The following SDHAF3 variants were observed in gnomAD, a reference collection of about 807,000 sequenced individuals.
SDHAF3 encodes succinate dehydrogenase assembly factor 3, mitochondrial.
In SDHAF3, 18 loss-of-function variants were observed where a neutral mutation model predicts 11.5. The ratio of observed to expected loss-of-function variants is 1.56; its 90% CI spans 1.08 to 2.32. The LOEUF is 2.32. SDHAF3 is among the 30% of genes most tolerant of loss of function. SDHAF3 has a pLI of 0.00. For missense variants in SDHAF3, 200 were observed against 154.4 expected, an observed-to-expected ratio of 1.30 and a Z score of -1.57; for synonymous variants, 72 against 59.3, an observed-to-expected ratio of 1.21 and a Z score of -0.99.
At chr7:97,134,481 G>A (rs1265429439) in intron 1 of SDHAF3, among the ~76,000 whole-genome samples, 1 of 152,124 alleles carries the variant, frequency 6.6e-6, no homozygotes, top group African/African-American at 2.4e-5. Flanking sequence ...GAGTCTTGCT[G>A]TGTCTCCCAG....
At chr7:97,168,308 A>C (rs80318974) in intron 1 of SDHAF3, among the ~76,000 whole-genome samples, 16,444 of 152,234 alleles carry the variant, frequency 0.11, 897 homozygotes, top group Middle Eastern at 0.16. Context: ...GAGGGTCAGA[A>C]TCTTGTAGCC....
intron 1 of SDHAF3, among the ~76,000 whole-genome samples, chr7:97,173,396 C>T (rs1174483110): frequency 6.6e-6 from 1 of 152,064 alleles, no homozygotes; most frequent in Admixed American, 6.6e-5. Context: ...CAACAGTTGT[C>T]AACTCATGGC....
chr7:97,130,270 T>TAAA (rs11410661), intron 1 of SDHAF3, among the ~76,000 whole-genome samples: 3 of 122,760 alleles, frequency 2.4e-5, no homozygotes, highest in African/African-American at 3.0e-5. Context: ...ATACCCAGTC[T>TAAA]AAAAAAAAAA....
intron 1 of SDHAF3, among the ~76,000 whole-genome samples, chr7:97,170,442 T>C (rs1455975868): frequency 6.6e-6 from 1 of 152,200 alleles, no homozygotes. Context: ...TACAATGCTA[T>C]TATTGTTTCT....
chr7:97,166,284 ATT>A (rs1003547605), intron 1 of SDHAF3, among the ~76,000 whole-genome samples: 1 of 152,158 alleles, frequency 6.6e-6, no homozygotes, highest in Non-Finnish European at 1.5e-5. Context: ...TGCTTTATAC[ATT>A]TTAGGGGACA....
At chr7:97,142,161 C>T (rs1460778613) in intron 1 of SDHAF3, among the ~76,000 whole-genome samples, 2 of 140,338 alleles carry the variant, frequency 1.4e-5, no homozygotes, top group African/African-American at 5.3e-5. Flanking sequence ...TCAAGCAATT[C>T]TCCTGCCTCA....
intron 1 of SDHAF3, among the ~76,000 whole-genome samples, chr7:97,153,750 C>A (rs984624080): frequency 6.6e-6 from 1 of 152,146 alleles, no homozygotes; most frequent in African/African-American, 2.4e-5. Context: ...ATGAGAGTTT[C>A]TGTAGCATAT....
At chr7:97,137,891 T>TA (rs1297287234) in intron 1 of SDHAF3, among the ~76,000 whole-genome samples, 1 of 147,544 alleles carries the variant, frequency 6.8e-6, no homozygotes, top group African/African-American at 2.5e-5. Context: ...TTTTTTTTTT[T>TA]AGATGGAGTT....
chr7:97,121,259 G>T (rs1791491608), intron 1 of SDHAF3, among the ~76,000 whole-genome samples: 1 of 152,182 alleles, frequency 6.6e-6, no homozygotes, highest in African/African-American at 2.4e-5. Context: ...TTTTCTCTCT[G>T]TGCCTACCAC....
chr7:97,157,819 A>G (rs1370192071), intron 1 of SDHAF3, among the ~76,000 whole-genome samples: 1 of 151,970 alleles, frequency 6.6e-6, no homozygotes, highest in African/African-American at 2.4e-5. Flanking sequence ...TTGTAGGGAC[A>G]TGGATGAAGC....
chr7:97,160,461 AGGG>A (rs1488233224), intron 1 of SDHAF3, among the ~76,000 whole-genome samples: 3 of 151,990 alleles, frequency 2.0e-5, no homozygotes, highest in East Asian at 3.9e-4. Flanking sequence ...CAAAAAGAAA[AGGG>A]GGAAATGTGG....
intron 1 of SDHAF3, among the ~76,000 whole-genome samples, chr7:97,165,137 A>C (rs974866767): frequency 6.6e-6 from 1 of 152,068 alleles, no homozygotes; most frequent in Non-Finnish European, 1.5e-5. Context: ...ATACAAAAAA[A>C]TTAGCCAGGT....
intron 1 of SDHAF3, among the ~76,000 whole-genome samples, chr7:97,134,758 CTT>C (rs997581649): frequency 2.0e-5 from 3 of 152,162 alleles, no homozygotes; most frequent in Non-Finnish European, 4.4e-5. Context: ...AGAAGATGTT[CTT>C]ACTTTAAAAT....
intron 1 of SDHAF3, among the ~76,000 whole-genome samples, chr7:97,176,007 A>G (rs758621933): frequency 2.6e-5 from 4 of 151,950 alleles, no homozygotes; most frequent in Non-Finnish European, 5.9e-5. Context: ...CTCCAAACTT[A>G]TTTTTTCTTC....
Position 97,181,329 on chromosome 7 carries a change from C to G in SDHAF3, c.*114C>G, listed in dbSNP as rs1368104202. ...AAACACCTGTTATTAATGAAATACT[C>G]TTTTATTTTGGATATTATGATTGCA... On this transcript the variant is annotated 3_prime_UTR_variant, in exon 2 of 2. Coordinates refer to ENST00000432641, the MANE Select transcript of SDHAF3 (RefSeq NM_020186.3). 4 of 752,466 alleles carry G rather than the reference C, an allele frequency of 5.3e-6. No individual in the cohort carries two copies. Among genetic ancestry groups the G allele is most frequent in the Non-Finnish European group, 8.4e-6 (4 of 474,412 alleles). The allele number at this position is 752,466 out of a possible 1,614,324, so 46.6% of individuals were successfully genotyped here. A position where few individuals can be genotyped will look rare whatever the true frequency, so the allele number is the denominator to read the frequency against.
chr7:97,174,263 A>C (rs1789647976), intron 1 of SDHAF3, among the ~76,000 whole-genome samples: 2 of 152,188 alleles, frequency 1.3e-5, no homozygotes, highest in African/African-American at 4.8e-5. Context: ...ACACCTGTTA[A>C]ATCTAAAATT....
At chr7:97,169,585 A>C (rs2115736062) in intron 1 of SDHAF3, among the ~76,000 whole-genome samples, 1 of 152,250 alleles carries the variant, frequency 6.6e-6, no homozygotes, top group East Asian at 1.9e-4. Context: ...TAAACAGATT[A>C]CATCAAAATA....
rs371934035 is a variant in SDHAF3 at position 97,180,073 on chromosome 7, G to A, written c.175-939G>A. ...AGTCTGTTTCAAAACAGTGGCACTT[G>A]TGCAGATGGGGATAGTTGGAATATT... On this transcript the variant is annotated intron_variant, in intron 1 of 1. Transcript: ENST00000432641. 2.0e-4 allele frequency among the ~76,000 whole-genome samples: 30 copies of A among 152,340 alleles called. No homozygotes were observed. The South Asian group carries it at 5.8e-3, about 29-fold the overall frequency.
chr7:97,123,925 A>G lies in SDHAF3; in HGVS notation c.174+6028A>G, dbSNP rs567369159. The stretch of plus-strand genomic sequence containing the variant: ...CTTTGTCAGATGGATAGATTGCAAA[A>G]ATTTTCTCCCGTTCTGTAGGTTGCC... On this transcript the variant is annotated intron_variant, in intron 1 of 1. Coordinates refer to ENST00000432641, the MANE Select transcript of SDHAF3 (RefSeq NM_020186.3). Among the ~76,000 whole-genome samples the G allele has an allele frequency of 8.7e-4, 132 of 151,658 alleles. 1 individual carries two copies. The highest frequency in any genetic ancestry group is 1.5e-3 in the Non-Finnish European group (99 of 67,940).
Sources: gnomAD v4.1 joint callset for allele counts (sites outside exome capture counted in the v4.1 genomes callset) on GRCh38, gnomAD v4.1.1 for gene constraint, MANE v1.5 for transcripts, NCBI Gene and HGNC (gene_info 2026-07-23, HGNC 2026-07-21) for gene names.